FSTL4: variants seen among roughly 807,000 people sequenced by gnomAD.
The protein encoded by FSTL4 is follistatin like 4.
Under a neutral mutation model 78.2 loss-of-function variants are expected in FSTL4, and 28 were observed. The ratio of observed to expected loss-of-function variants is 0.36; its 90% CI spans 0.27 to 0.49. The LOEUF (loss-of-function observed/expected upper bound fraction) is 0.49, where lower values mean the gene tolerates loss of function less well. Ranked by LOEUF, FSTL4 falls within the 20% of genes least tolerant of loss-of-function variation. The probability of loss-of-function intolerance (pLI) is 0.98; values close to 1 mark genes in which losing one functional copy is unlikely to be tolerated. For missense variants in FSTL4, 922 were observed against 1,084.9 expected, an observed-to-expected ratio of 0.85 and a Z score of 2.11; for synonymous variants, 422 against 440.5, an observed-to-expected ratio of 0.96 and a Z score of 0.53.
At chr5:133,240,099 C>G (rs1192839158) in intron 7 of FSTL4, among the ~76,000 whole-genome samples, 1 of 152,230 alleles carries the variant, frequency 6.6e-6, no homozygotes, top group Non-Finnish European at 1.5e-5. Context: ...AGCTGCAACA[C>G]TCACCCTGAA....
chr5:133,692,601 G>T, the FSTL4 span, among the ~76,000 whole-genome samples: 1 of 152,328 alleles, frequency 6.6e-6, no homozygotes, highest in East Asian at 1.9e-4. Context: ...AAGAGGCTGG[G>T]CTGTGGGGGC....
rs557408160 is a variant in FSTL4, at chr5:133,468,278, C to G, written c.161-67292G>C. ...CTTAGTGCCCTGTGGGTGTCCCTGC[C>G]CCAGGGCATCGCTCTCCTGGTTTGC... is the stretch of plus-strand genomic sequence containing the variant. On this transcript the variant is annotated intron_variant, in intron 3 of 15. Coordinates refer to ENST00000265342, the MANE Select transcript of FSTL4 (RefSeq NM_015082.2). Among the ~76,000 whole-genome samples the G allele has an allele frequency of 9.1e-4, 138 of 152,332 alleles. 1 individual carries two copies. Among genetic ancestry groups the G allele is most frequent in the Non-Finnish European group, 1.7e-3 (114 of 68,022 alleles).
the FSTL4 span, among the ~76,000 whole-genome samples, chr5:133,765,711 A>C: frequency 6.6e-5 from 10 of 152,340 alleles, no homozygotes; most frequent in African/African-American, 2.2e-4. Context: ...AACAAGAGAC[A>C]GGCACCGGCA....
the FSTL4 span, among the ~76,000 whole-genome samples, chr5:133,658,569 G>A: frequency 5.3e-5 from 8 of 151,968 alleles, no homozygotes; most frequent in Non-Finnish European, 8.8e-5. Context: ...TATTTTACTA[G>A]TCTTTCTGAA....
chr5:133,666,997 G>A, the FSTL4 span, among the ~76,000 whole-genome samples: 1 of 152,056 alleles, frequency 6.6e-6, no homozygotes, highest in African/African-American at 2.4e-5. Context: ...CTGAGTTCCA[G>A]GCTCATGTAA....
chr5:133,311,715 A>C (rs1317479673), intron 6 of FSTL4, among the ~76,000 whole-genome samples: 1 of 152,194 alleles, frequency 6.6e-6, no homozygotes, highest in Admixed American at 6.5e-5. Context: ...CAGGGTACTC[A>C]GTGCCCCTGG....
chr5:133,496,578 C>T (rs1758370793), intron 3 of FSTL4, among the ~76,000 whole-genome samples: 1 of 152,184 alleles, frequency 6.6e-6, no homozygotes, highest in East Asian at 1.9e-4. Flanking sequence ...GGAGAGGAGG[C>T]TCCTGCATTC....
At chr5:133,545,354 T>C (rs575563508) in intron 3 of FSTL4, among the ~76,000 whole-genome samples, 1 of 152,142 alleles carries the variant, frequency 6.6e-6, no homozygotes, top group South Asian at 2.1e-4. Flanking sequence ...AGTGAGTGAG[T>C]CCTTGCTCTC....
At chr5:133,582,383 T>C (rs746889183) in intron 2 of FSTL4, among the ~76,000 whole-genome samples, 1 of 152,210 alleles carries the variant, frequency 6.6e-6, no homozygotes, top group African/African-American at 2.4e-5. Flanking sequence ...TCTATGAGAC[T>C]GCAGTGAGAG....
intron 4 of FSTL4, among the ~76,000 whole-genome samples, chr5:133,329,149 C>T (rs1178154907): frequency 6.6e-6 from 1 of 152,212 alleles, no homozygotes; most frequent in Admixed American, 6.5e-5. Context: ...CACATGGACT[C>T]ATCGCACATG....
At chr5:133,215,727 G>A (rs1485294014) in intron 13 of FSTL4, among the ~76,000 whole-genome samples, 10 of 152,172 alleles carry the variant, frequency 6.6e-5, no homozygotes. Context: ...CCTTCTAGAG[G>A]TTCTAGGGGA....
the FSTL4 span, among the ~76,000 whole-genome samples, chr5:133,786,397 A>G: frequency 6.6e-6 from 1 of 152,196 alleles, no homozygotes; most frequent in African/African-American, 2.4e-5. Context: ...TGCACTTTTC[A>G]TGATCTAATT....
rs574250856 is a variant in FSTL4 at position 133,361,047 on chromosome 5, T to C, written c.409+39691A>G. 6.6e-6 allele frequency among the ~76,000 whole-genome samples: 1 copy of C among 152,216 alleles called. No homozygotes were observed. The highest frequency in any genetic ancestry group is 2.1e-4 in the South Asian group (1 of 4,826). On this transcript the variant is annotated intron_variant, in intron 4 of 15. Transcript: ENST00000265342. The surrounding 1 kb of genome is among the most constrained non-coding windows in gnomAD (Gnocchi z 4.3). ...TTCTTGGAGTTTACAAACCTCGAAA[T>C]TCTGCTCTGAGCAAGAAACCCATTT...
intron 7 of FSTL4, among the ~76,000 whole-genome samples, chr5:133,235,025 G>T (rs1445793235): frequency 2.6e-5 from 4 of 152,150 alleles, no homozygotes; most frequent in Admixed American, 6.5e-5. Flanking sequence ...CATTCTGGTG[G>T]CAGGAGAGAA....
intron 4 of FSTL4, among the ~76,000 whole-genome samples, chr5:133,329,590 T>C (rs1754295336): frequency 1.4e-5 from 2 of 145,232 alleles, no homozygotes; most frequent in Admixed American, 7.1e-5. Context: ...GAAAAAGATG[T>C]AGGCTGGGAG....
chr5:133,354,118 C>G (rs1409045404), intron 4 of FSTL4, among the ~76,000 whole-genome samples: 2 of 152,066 alleles, frequency 1.3e-5, no homozygotes, highest in Non-Finnish European at 2.9e-5. Context: ...GTTTGTGCAT[C>G]TGTAAACTGA....
chr5:133,365,235 AAAT>A (rs150360420), intron 4 of FSTL4, among the ~76,000 whole-genome samples: 30 of 150,920 alleles, frequency 2.0e-4, no homozygotes, highest in South Asian at 1.9e-3. Context: ...TTAATTTCTA[AAAT>A]AATAATAATA....
the FSTL4 span, among the ~76,000 whole-genome samples, chr5:133,700,212 A>G: frequency 6.6e-6 from 1 of 150,720 alleles, no homozygotes; most frequent in South Asian, 2.1e-4. Context: ...AAACCATCAC[A>G]CAAAGTCACC....
At chr5:133,469,172 G>A (rs1266114381) in intron 3 of FSTL4, among the ~76,000 whole-genome samples, 1 of 152,188 alleles carries the variant, frequency 6.6e-6, no homozygotes, top group Non-Finnish European at 1.5e-5. Context: ...AGCAGAGGGA[G>A]GTAAGGTTAG....
Sources: allele counts gnomAD v4.1 joint callset (sites outside exome capture counted in the v4.1 genomes callset), GRCh38; gene constraint gnomAD v4.1.1; non-coding constraint Gnocchi (gnomAD v3.1); transcripts MANE v1.5; gene names NCBI Gene and HGNC (gene_info 2026-07-23, HGNC 2026-07-21).